RMDN2: variants seen among roughly 807,000 people sequenced by gnomAD.
RMDN2 encodes regulator of microtubule dynamics 2, also known as regulator of microtubule dynamics protein 2.
In RMDN2, 61 loss-of-function variants were observed where a neutral mutation model predicts 52.8. The observed-to-expected ratio is 1.16, with a 90% CI of 0.94 to 1.43. The LOEUF (loss-of-function observed/expected upper bound fraction) is 1.43, where lower values mean the gene tolerates loss of function less well. Ranked by LOEUF, RMDN2 falls within the 40% of genes most tolerant of loss-of-function variation. The pLI is 0.00. For missense variants in RMDN2, 592 were observed against 475.3 expected (o/e 1.25, Z -2.28); for synonymous variants, 180 against 153.1 (o/e 1.18, Z -1.30).
chr2:37,988,046 A>G (rs12623420), intron 5 of RMDN2, among the ~76,000 whole-genome samples: 48,798 of 152,070 alleles, frequency 0.32, 8,590 homozygotes, highest in East Asian at 0.62. Context: ...GCGATAGAGC[A>G]TGTCTTCATC....
chr2:38,023,993 A>G (rs1679583745), intron 10 of RMDN2, among the ~76,000 whole-genome samples: 1 of 152,106 alleles, frequency 6.6e-6, no homozygotes, highest in Non-Finnish European at 1.5e-5. Context: ...GCTTTCTGTC[A>G]TTATACATTA....
chr2:37,973,754 G>A (rs1343090696), intron 2 of RMDN2, among the ~76,000 whole-genome samples: 4 of 152,082 alleles, frequency 2.6e-5, no homozygotes, highest in African/African-American at 9.7e-5. Flanking sequence ...TGGAGGTTCC[G>A]AGGTAGGCAC....
downstream of RMDN2, among the ~76,000 whole-genome samples, chr2:38,019,641 C>G (rs1425066386): frequency 2.0e-5 from 3 of 152,178 alleles, no homozygotes; most frequent in African/African-American, 7.2e-5. Context: ...CAGAGTCATA[C>G]TGTCATATCT....
intron 10 of RMDN2, among the ~76,000 whole-genome samples, chr2:38,060,666 T>C (rs554900407): frequency 6.6e-6 from 1 of 152,256 alleles, no homozygotes; most frequent in South Asian, 2.1e-4. Flanking sequence ...CCAGATCCAG[T>C]GGACACCAGC....
intron 10 of RMDN2, among the ~76,000 whole-genome samples, chr2:38,063,970 C>G (rs1233902915): frequency 6.6e-6 from 1 of 151,040 alleles, no homozygotes; most frequent in Admixed American, 6.6e-5. Context: ...ATAGTGAATC[C>G]TGTTTGTGTG....
chr2:38,021,960 A>G (rs527634124), downstream of RMDN2, among the ~76,000 whole-genome samples: 2 of 152,342 alleles, frequency 1.3e-5, no homozygotes, highest in African/African-American at 4.8e-5. Context: ...TATTTTGTCA[A>G]TTTAATCCTC....
intron 10 of RMDN2, among the ~76,000 whole-genome samples, chr2:38,056,674 A>G (rs2125304677): frequency 6.6e-6 from 1 of 152,284 alleles, no homozygotes; most frequent in South Asian, 2.1e-4. Flanking sequence ...AAGAGAATGA[A>G]TTTTGTTTGA....
At chr2:38,014,315 C>G (rs948332018) in intron 10 of RMDN2, among the ~76,000 whole-genome samples, 1 of 152,168 alleles carries the variant, frequency 6.6e-6, no homozygotes, top group Non-Finnish European at 1.5e-5. Flanking sequence ...CTGTTTACAA[C>G]CCGCTATTTC....
chr2:38,039,896 C>A (rs551880279), intron 10 of RMDN2, among the ~76,000 whole-genome samples: 2 of 152,264 alleles, frequency 1.3e-5, no homozygotes, highest in African/African-American at 4.8e-5. Context: ...TGTGCCCTAC[C>A]TGCCCCTTCC....
intron 4 of RMDN2, among the ~76,000 whole-genome samples, chr2:37,977,507 C>T (rs1244822606): frequency 2.6e-5 from 4 of 151,180 alleles, no homozygotes; most frequent in South Asian, 2.1e-4. Flanking sequence ...CGGGCGGAGA[C>T]GCGCCTCACT....
At chr2:38,040,304 G>T (rs896327809) in intron 10 of RMDN2, among the ~76,000 whole-genome samples, 1 of 152,040 alleles carries the variant, frequency 6.6e-6, no homozygotes, top group Admixed American at 6.6e-5. Flanking sequence ...TGGTCTGCAT[G>T]TTGGCATCCT....
At chr2:37,993,413 A>G (rs1469273864) in intron 7 of RMDN2, among the ~76,000 whole-genome samples, 1 of 152,190 alleles carries the variant, frequency 6.6e-6, no homozygotes, top group Non-Finnish European at 1.5e-5. Flanking sequence ...CAGCATATGC[A>G]GACTAGAGAA....
intron 6 of RMDN2, among the ~76,000 whole-genome samples, chr2:37,990,793 C>A (rs1338017265): frequency 6.6e-6 from 1 of 152,098 alleles, no homozygotes; most frequent in Non-Finnish European, 1.5e-5. Context: ...TTTTCCAGCT[C>A]CCTATAACCA....
chr2:37,981,126 A>G lies in RMDN2; in HGVS notation c.731-157A>G, dbSNP rs559671583. Among the ~76,000 whole-genome samples, 5 of 152,324 alleles carry G rather than the reference A, an allele frequency of 3.3e-5. No homozygotes were observed. In the South Asian group the frequency reaches 1.0e-3, roughly 32 times the overall value. The stretch of plus-strand genomic sequence containing the variant: ...AATCCCACAGTGTGTGATGGAGTAG[A>G]TCTCCAATGTGGCTGAAAAGTTCTT... On this transcript the variant is annotated intron_variant, in intron 4 of 10. Transcript: ENST00000354545.
At chr2:37,960,979 G>T (rs1670148824) in intron 2 of RMDN2, among the ~76,000 whole-genome samples, 1 of 152,126 alleles carries the variant, frequency 6.6e-6, no homozygotes, top group Non-Finnish European at 1.5e-5. Context: ...GAAATTCAGG[G>T]TTGAAAATTC....
At chr2:38,018,897 C>T (rs1026123561), downstream of RMDN2, among the ~76,000 whole-genome samples, 1 of 152,204 alleles carries the variant, frequency 6.6e-6, no homozygotes, top group African/African-American at 2.4e-5. Flanking sequence ...CACGCACACA[C>T]GCACACACAC....
At chr2:38,030,830 A>T (rs1419638900) in intron 10 of RMDN2, 1 of 152,236 alleles carries the variant, frequency 6.6e-6, no homozygotes, top group Non-Finnish European at 1.5e-5. Flanking sequence ...TCTGGCCTGC[A>T]CAGCGAGAAA....
At chr2:37,937,637 G>T (rs1667418301) in intron 2 of RMDN2, among the ~76,000 whole-genome samples, 1 of 152,022 alleles carries the variant, frequency 6.6e-6, no homozygotes, top group African/African-American at 2.4e-5. Flanking sequence ...GTATTCCTAG[G>T]TATTTTATTC....
intron 10 of RMDN2, among the ~76,000 whole-genome samples, chr2:38,063,821 C>T (rs1219240095): frequency 6.6e-6 from 1 of 152,170 alleles, no homozygotes; most frequent in Non-Finnish European, 1.5e-5. Flanking sequence ...AGTTTCACAT[C>T]CTCCCCAATA....
Sources: allele counts gnomAD v4.1 joint callset (sites outside exome capture counted in the v4.1 genomes callset), GRCh38; gene constraint gnomAD v4.1.1; transcripts MANE v1.5; gene names NCBI Gene and HGNC (gene_info 2026-07-23, HGNC 2026-07-21).